Variants in TENM3 observed in about 807,000 individuals in gnomAD.
TENM3 encodes teneurin transmembrane protein 3, also known as teneurin-3.
A neutral mutation model predicts 255.1 loss-of-function variants in TENM3; 63 were observed. That is an observed-to-expected ratio of 0.25 (90% CI 0.20 to 0.30). The LOEUF (loss-of-function observed/expected upper bound fraction) is 0.30, where lower values mean the gene tolerates loss of function less well. TENM3 is among the 10% of genes least tolerant of loss of function. The pLI, the probability that TENM3 is intolerant of heterozygous loss-of-function variation, is 1.00. For synonymous variants in TENM3, 1,306 were observed against 1,322.3 expected (o/e 0.99, Z 0.27); for missense variants, 2,929 against 3,461.1 (o/e 0.85, Z 3.86).
At chr4:182,674,165 A>T (rs1755465895) in intron 7 of TENM3, among the ~76,000 whole-genome samples, 1 of 152,202 alleles carries the variant, frequency 6.6e-6, no homozygotes. Context: ...AGAGAATTTC[A>T]TGCTGATTTA....
At chr4:181,571,301 A>T in the TENM3 span, among the ~76,000 whole-genome samples, 2 of 152,338 alleles carry the variant, frequency 1.3e-5, no homozygotes, top group Admixed American at 6.5e-5. Context: ...GTGGCCATTC[A>T]TAAAATGCTA....
chr4:181,605,912 C>A, the TENM3 span, among the ~76,000 whole-genome samples: 2 of 152,184 alleles, frequency 1.3e-5, no homozygotes, highest in Non-Finnish European at 2.9e-5. Context: ...ACTCTGAGAG[C>A]ATGGGATTCA....
chr4:182,798,514 G>A (rs369895091), intron 27 of TENM3, among the ~76,000 whole-genome samples: 38 of 152,208 alleles, frequency 2.5e-4, no homozygotes, highest in African/African-American at 7.7e-4. Context: ...ACACAAGGAC[G>A]AAATGGCCTA....
chr4:182,264,026 C>T (rs898986732), intron 1 of TENM3, among the ~76,000 whole-genome samples: 2 of 152,202 alleles, frequency 1.3e-5, no homozygotes, highest in Non-Finnish European at 2.9e-5. Context: ...AAAGGGAACC[C>T]AGAAGCCTGG....
At chr4:182,182,726 C>T (rs989022210) in intron 1 of TENM3, among the ~76,000 whole-genome samples, 4 of 152,176 alleles carry the variant, frequency 2.6e-5, no homozygotes, top group African/African-American at 9.7e-5. Flanking sequence ...CTATGAACCT[C>T]TATCTTTACC....
At chr4:182,621,980 C>T (rs188375825) in intron 4 of TENM3, among the ~76,000 whole-genome samples, 2 of 150,122 alleles carry the variant, frequency 1.3e-5, no homozygotes, top group African/African-American at 4.9e-5. Flanking sequence ...GAACAAATAA[C>T]AAAATATACA....
intron 3 of TENM3, among the ~76,000 whole-genome samples, chr4:182,580,627 T>C (rs1392283307): frequency 6.6e-6 from 1 of 152,134 alleles, no homozygotes; most frequent in Non-Finnish European, 1.5e-5. Context: ...AATCAGAAAG[T>C]GTTTTCATTA....
chr4:182,613,374 AT>A (rs1249689935), intron 4 of TENM3, among the ~76,000 whole-genome samples: 1 of 152,138 alleles, frequency 6.6e-6, no homozygotes, highest in African/African-American at 2.4e-5. Flanking sequence ...GGCTAAAAAT[AT>A]TTTTTTGTAT....
At chr4:181,839,266 C>A in the TENM3 span, among the ~76,000 whole-genome samples, 1 of 145,798 alleles carries the variant, frequency 6.9e-6, no homozygotes, top group Non-Finnish European at 1.5e-5. Flanking sequence ...TCCCACTTAC[C>A]CTTCCCAGAC....
At chr4:181,455,838 A>C in the TENM3 span, among the ~76,000 whole-genome samples, 1 of 151,982 alleles carries the variant, frequency 6.6e-6, no homozygotes, top group African/African-American at 2.4e-5. Flanking sequence ...CTAACAAGAG[A>C]ATCAAGTGAG....
At chr4:182,010,363 A>G in the TENM3 span, among the ~76,000 whole-genome samples, 1 of 152,148 alleles carries the variant, frequency 6.6e-6, no homozygotes, top group Non-Finnish European at 1.5e-5. Context: ...TTAAAAACTG[A>G]CAATTGGAAA....
intron 3 of TENM3, among the ~76,000 whole-genome samples, chr4:182,565,831 C>T (rs1743740670): frequency 6.6e-6 from 1 of 152,164 alleles, no homozygotes; most frequent in South Asian, 2.1e-4. Flanking sequence ...TAATCATTAG[C>T]ATGTAGGATT....
chr4:181,982,346 G>A, the TENM3 span, among the ~76,000 whole-genome samples: 1 of 152,050 alleles, frequency 6.6e-6, no homozygotes, highest in Non-Finnish European at 1.5e-5. Context: ...TCTTCAATAG[G>A]AAAAAAGAAA....
rs139100717 is a variant in TENM3 at position 182,302,160 on chromosome 4, C to G, written c.-75-21786C>G. Among the ~76,000 whole-genome samples the G allele has an allele frequency of 3.6e-3, 545 of 152,220 alleles. 4 individuals carry two copies. The highest frequency in any genetic ancestry group is 0.012 in the African/African-American group (511 of 41,546). On this transcript the variant is annotated intron_variant, in intron 1 of 27. Transcript: ENST00000511685. ...AATCCATCCAAAAAAGAAAAGGGAGCTTTCTTTGAATTTGCCCACAGATTG... is the reference window on the plus strand; with the variant it reads ...AATCCATCCAAAAAAGAAAAGGGAGGTTTCTTTGAATTTGCCCACAGATTG...
chr4:182,332,682 A>G (rs1763848156), intron 2 of TENM3, among the ~76,000 whole-genome samples: 1 of 151,528 alleles, frequency 6.6e-6, no homozygotes, highest in Non-Finnish European at 1.5e-5. Flanking sequence ...CGACAGAGCA[A>G]GACTCCATCT....
chr4:181,677,005 T>TC, the TENM3 span, among the ~76,000 whole-genome samples: 1 of 151,340 alleles, frequency 6.6e-6, no homozygotes, highest in Non-Finnish European at 1.5e-5. Context: ...TTTTTTTTTT[T>TC]CTCATTGACT....
the TENM3 span, among the ~76,000 whole-genome samples, chr4:181,726,301 C>T: frequency 6.6e-6 from 1 of 152,068 alleles, no homozygotes; most frequent in South Asian, 2.1e-4. Flanking sequence ...TTCTTTCCTA[C>T]CATGTAGAAA....
chr4:181,912,524 A>G, the TENM3 span, among the ~76,000 whole-genome samples: 1 of 152,122 alleles, frequency 6.6e-6, no homozygotes. Flanking sequence ...GTGGTGGCTC[A>G]TGCTTGTAAT....
chr4:182,479,777 T>C (rs6839031), intron 3 of TENM3, among the ~76,000 whole-genome samples: 151,658 of 152,112 alleles, frequency 1, 75,605 homozygotes, highest in Middle Eastern at 1. Flanking sequence ...TAGAAGTAAA[T>C]ATTTTTGATC....
Sources: allele counts gnomAD v4.1 joint callset (sites outside exome capture counted in the v4.1 genomes callset), GRCh38; gene constraint gnomAD v4.1.1; transcripts MANE v1.5; gene names NCBI Gene and HGNC (gene_info 2026-07-23, HGNC 2026-07-21).